The following KLF8 variants were observed in gnomAD, a reference collection of about 807,000 sequenced individuals.
The protein encoded by KLF8 is KLF transcription factor 8, also known as Krueppel-like factor 8.
KLF8 carries 10 observed loss-of-function variants against 18.2 expected under a neutral mutation model. The ratio of observed to expected loss-of-function variants is 0.55; its 90% CI spans 0.34 to 0.93. The LOEUF (loss-of-function observed/expected upper bound fraction) is 0.93, where lower values mean the gene tolerates loss of function less well. Among genes scored for constraint, KLF8 ranks in the 40% least tolerant of loss-of-function variants. KLF8 has a pLI of 0.02. For synonymous variants in KLF8, 109 were observed against 97.3 expected (o/e 1.12, Z -0.71); for missense variants, 264 against 277.9 (o/e 0.95, Z 0.36).
the KLF8 span, among the ~76,000 whole-genome samples, chrX:56,053,612 T>G: frequency 9.4e-6 from 1 of 106,004 alleles, no homozygotes; most frequent in Non-Finnish European, 1.9e-5. Context: ...TCTGTTAGTA[T>G]TTAGTTGTGA....
At chrX:56,105,098 G>T in the KLF8 span, among the ~76,000 whole-genome samples, 14,102 of 111,365 alleles carry the variant, frequency 0.13, 1,618 homozygotes, top group African/African-American at 0.37. Context: ...TGTGATTTGT[G>T]TTCTTTTACG....
the KLF8 span, among the ~76,000 whole-genome samples, chrX:55,919,937 T>G: frequency 4.5e-5 from 5 of 111,953 alleles, no homozygotes; most frequent in African/African-American, 1.6e-4. Context: ...AAGCACCACT[T>G]CCTGGCTGGA....
chrX:55,974,591 A>T, the KLF8 span, among the ~76,000 whole-genome samples: 18 of 112,389 alleles, frequency 1.6e-4, no homozygotes, highest in Non-Finnish European at 3.2e-4. Context: ...AAACCTTCAG[A>T]TAAATAAATA....
the KLF8 span, among the ~76,000 whole-genome samples, chrX:55,995,407 A>C: frequency 1.8e-5 from 2 of 112,036 alleles, no homozygotes; most frequent in Non-Finnish European, 3.8e-5. Context: ...TTGAAATGTG[A>C]AATTTGATCC....
chrX:55,953,236 A>G, the KLF8 span, among the ~76,000 whole-genome samples: 30 of 111,355 alleles, frequency 2.7e-4, no homozygotes, highest in African/African-American at 9.5e-4. Context: ...AATGTTAGGT[A>G]GTGGTAAGTG....
At chrX:56,070,803 G>T in the KLF8 span, among the ~76,000 whole-genome samples, 9 of 112,633 alleles carry the variant, frequency 8.0e-5, no homozygotes, top group Non-Finnish European at 1.7e-4. Context: ...AAAAGAACAT[G>T]TGGTGGTTTT....
the KLF8 span, among the ~76,000 whole-genome samples, chrX:56,073,106 C>G: frequency 9.1e-6 from 1 of 109,459 alleles, no homozygotes; most frequent in Non-Finnish European, 1.9e-5. Flanking sequence ...CCTGCCTCAG[C>G]CTCCCGAGTA....
chrX:56,019,104 G>C, the KLF8 span, among the ~76,000 whole-genome samples: 7 of 111,615 alleles, frequency 6.3e-5, no homozygotes, highest in Non-Finnish European at 3.8e-5. Flanking sequence ...TGTTCAATCT[G>C]CTTTGAATTC....
chrX:56,259,492 G>A (rs563052363), intron 2 of KLF8, among the ~76,000 whole-genome samples: 1 of 110,296 alleles, frequency 9.1e-6, no homozygotes, highest in African/African-American at 3.3e-5. Context: ...CAGTGAGCTA[G>A]TATAGCTCAC....
chrX:56,092,562 A>G, the KLF8 span, among the ~76,000 whole-genome samples: 2 of 111,299 alleles, frequency 1.8e-5, no homozygotes, highest in Non-Finnish European at 3.8e-5. Flanking sequence ...TCCCCAGTGT[A>G]AATTCTTATT....
the KLF8 span, among the ~76,000 whole-genome samples, chrX:56,211,864 C>A: frequency 9.1e-6 from 1 of 109,956 alleles, no homozygotes; most frequent in Non-Finnish European, 1.9e-5. Flanking sequence ...GTCCCCTTTG[C>A]TTTTCTCAAG....
the KLF8 span, among the ~76,000 whole-genome samples, chrX:56,144,645 C>G: frequency 9.6e-6 from 1 of 104,336 alleles, no homozygotes; most frequent in African/African-American, 3.5e-5. Context: ...CCCAGCTACT[C>G]ACGAGGCTGA....
the KLF8 span, among the ~76,000 whole-genome samples, chrX:55,981,745 A>T: frequency 8.9e-6 from 1 of 111,839 alleles, no homozygotes; most frequent in African/African-American, 3.2e-5. Flanking sequence ...GGATGGACAG[A>T]TGGGCTATGG....
At chrX:56,211,535 C>G in the KLF8 span, among the ~76,000 whole-genome samples, 12 of 112,139 alleles carry the variant, frequency 1.1e-4, no homozygotes, top group Non-Finnish European at 2.3e-4. Context: ...TCCGTGGCTA[C>G]TGTCTAAGTT....
At chrX:56,266,885 C>G (rs1288210169) in intron 3 of KLF8, 1 of 752,109 alleles carries the variant, frequency 1.3e-6, no homozygotes, top group African/African-American at 2.3e-5. Context: ...TGCTGAGACT[C>G]TGCACTGGTC....
the KLF8 span, among the ~76,000 whole-genome samples, chrX:56,119,791 C>T: frequency 9.3e-6 from 1 of 107,994 alleles, no homozygotes; most frequent in Non-Finnish European, 1.9e-5. Flanking sequence ...ACTAGTTTCT[C>T]AGTTACAGAA....
chrX:56,176,285 T>C, the KLF8 span, among the ~76,000 whole-genome samples: 3 of 112,082 alleles, frequency 2.7e-5, no homozygotes, highest in East Asian at 8.3e-4. Context: ...GGAGTTCTTT[T>C]AGGGCAGGCC....
At chrX:56,182,305 G>A in the KLF8 span, among the ~76,000 whole-genome samples, 1 of 112,419 alleles carries the variant, frequency 8.9e-6, no homozygotes, top group East Asian at 2.8e-4. Flanking sequence ...AAGGTTTTCA[G>A]CTCCATGAGG....
chrX:56,193,452 G>A, the KLF8 span, among the ~76,000 whole-genome samples: 2 of 111,670 alleles, frequency 1.8e-5, no homozygotes, highest in African/African-American at 3.2e-5. Context: ...ATATGATCCA[G>A]CAATGCTACT....
Sources: allele counts gnomAD v4.1 joint callset (sites outside exome capture counted in the v4.1 genomes callset), GRCh38; gene constraint gnomAD v4.1.1; transcripts MANE v1.5; gene names NCBI Gene and HGNC (gene_info 2026-07-23, HGNC 2026-07-21).